OLFM3: variants seen among roughly 807,000 people sequenced by gnomAD.
The protein encoded by OLFM3 is olfactomedin 3, also known as noelin-3.
Under a neutral mutation model 48.6 loss-of-function variants are expected in OLFM3, and 20 were observed. That is an observed-to-expected ratio of 0.41 (90% confidence interval 0.29 to 0.60). OLFM3 has a LOEUF of 0.60. OLFM3 is among the 20% of genes least tolerant of loss of function. OLFM3 has a pLI of 0.28. For missense variants in OLFM3, 437 were observed against 544.3 expected (o/e 0.80, Z 1.96); for synonymous variants, 222 against 198.1 (o/e 1.12, Z -1.01).
At chr1:101,839,907 C>T (rs140406157) in intron 1 of OLFM3, among the ~76,000 whole-genome samples, 222 of 152,198 alleles carry the variant, frequency 1.5e-3, no homozygotes, top group African/African-American at 5.2e-3. Flanking sequence ...ATGATTTAAA[C>T]TATAAAAAGC....
intron 1 of OLFM3, among the ~76,000 whole-genome samples, chr1:101,914,249 C>T (rs17125729): frequency 0.11 from 16,324 of 152,152 alleles, 1,502 homozygotes; most frequent in East Asian, 0.36. Context: ...TCTGGATAAA[C>T]TGAATTGGGT....
intron 1 of OLFM3, among the ~76,000 whole-genome samples, chr1:101,907,931 T>C (rs992933493): frequency 1.3e-5 from 2 of 152,220 alleles, no homozygotes; most frequent in Non-Finnish European, 2.9e-5. Flanking sequence ...TCTACTCACG[T>C]ATTATTATCT....
intron 1 of OLFM3, among the ~76,000 whole-genome samples, chr1:101,870,356 C>A (rs2100975176): frequency 6.6e-6 from 1 of 152,266 alleles, no homozygotes; most frequent in Non-Finnish European, 1.5e-5. Flanking sequence ...GTTTTAGCTA[C>A]AGTGCATGGC....
chr1:101,986,111 G>A (rs577025775), intron 1 of OLFM3, among the ~76,000 whole-genome samples: 157 of 151,818 alleles, frequency 1.0e-3, no homozygotes, highest in African/African-American at 3.7e-3. Flanking sequence ...GACTACAGGC[G>A]CCCGCCACCA....
intron 1 of OLFM3, among the ~76,000 whole-genome samples, chr1:101,883,276 TAC>T (rs1402700079): frequency 2.0e-5 from 3 of 150,008 alleles, no homozygotes; most frequent in Non-Finnish European, 4.4e-5. Context: ...TGCTTATATT[TAC>T]AGTTATATAT....
chr1:101,960,925 T>A (rs1323287004), intron 1 of OLFM3, among the ~76,000 whole-genome samples: 1 of 152,166 alleles, frequency 6.6e-6, no homozygotes, highest in Non-Finnish European at 1.5e-5. Context: ...AAAACACATA[T>A]GATCATAATA....
chr1:101,989,885 T>A (rs1169398091), intron 1 of OLFM3, among the ~76,000 whole-genome samples: 1 of 152,108 alleles, frequency 6.6e-6, no homozygotes, highest in Non-Finnish European at 1.5e-5. Flanking sequence ...CTTGAGAAAA[T>A]CCCTTTTCTG....
intron 1 of OLFM3, among the ~76,000 whole-genome samples, chr1:101,983,755 C>A (rs1335325846): frequency 1.3e-5 from 2 of 152,108 alleles, no homozygotes; most frequent in Non-Finnish European, 2.9e-5. Context: ...AACTATACAA[C>A]ACATTTTTTT....
chr1:101,847,085 TTCCCCAGCTCTAA>T, intron 1 of OLFM3: 1 of 1,418,204 alleles, frequency 7.1e-7, no homozygotes, highest in Non-Finnish European at 9.3e-7. Flanking sequence ...AGAGATCAAC[TTCCCCAGCTCTAA>T]TCACCCAGGA....
chr1:101,995,846 T>G (rs1426893868), intron 1 of OLFM3, among the ~76,000 whole-genome samples: 1 of 152,224 alleles, frequency 6.6e-6, no homozygotes, highest in Non-Finnish European at 1.5e-5. Flanking sequence ...AAATTGTATC[T>G]CTTACTCTTT....
chr1:101,908,763 C>T (rs1010084694), intron 1 of OLFM3, among the ~76,000 whole-genome samples: 1 of 152,084 alleles, frequency 6.6e-6, no homozygotes, highest in African/African-American at 2.4e-5. Context: ...GAGGCAGCCA[C>T]ACAGAGAAGA....
At chr1:101,988,651 C>A (rs1022336521) in intron 1 of OLFM3, among the ~76,000 whole-genome samples, 31 of 152,070 alleles carry the variant, frequency 2.0e-4, no homozygotes, top group African/African-American at 7.5e-4. Flanking sequence ...TTCATATATT[C>A]ATTTTTTCAT....
At chr1:101,932,753 T>C (rs1659482589) in intron 1 of OLFM3, among the ~76,000 whole-genome samples, 1 of 152,154 alleles carries the variant, frequency 6.6e-6, no homozygotes, top group Non-Finnish European at 1.5e-5. Flanking sequence ...ATCCAGCGTG[T>C]CTTGTTATCT....
intron 1 of OLFM3, among the ~76,000 whole-genome samples, chr1:101,844,332 G>T (rs1397084057): frequency 6.6e-6 from 1 of 152,160 alleles, no homozygotes; most frequent in Non-Finnish European, 1.5e-5. Flanking sequence ...GGATGAAGGT[G>T]TTGGTGTGTA....
At chr1:101,928,667 T>G (rs560440721) in intron 1 of OLFM3, among the ~76,000 whole-genome samples, 21 of 152,316 alleles carry the variant, frequency 1.4e-4, no homozygotes, top group African/African-American at 5.1e-4. Flanking sequence ...ATATTTTCCT[T>G]AGATATGTCT....
intron 1 of OLFM3, among the ~76,000 whole-genome samples, chr1:101,934,377 CATTG>C: frequency 6.6e-6 from 1 of 152,130 alleles, no homozygotes; most frequent in Admixed American, 6.5e-5. Flanking sequence ...CAAAGAAGGG[CATTG>C]CATAATTGTA....
chr1:101,950,948 C>T (rs989940365), intron 1 of OLFM3, among the ~76,000 whole-genome samples: 18 of 152,090 alleles, frequency 1.2e-4, no homozygotes, highest in Non-Finnish European at 2.2e-4. Flanking sequence ...TGTAAACTCT[C>T]GATGTCCCAG....
At chr1:101,819,430 A>G (rs1654495156) in intron 4 of OLFM3, among the ~76,000 whole-genome samples, 1 of 152,074 alleles carries the variant, frequency 6.6e-6, no homozygotes, top group Non-Finnish European at 1.5e-5. Context: ...CACACTAAAT[A>G]TTTTTTAGTG....
intron 1 of OLFM3, among the ~76,000 whole-genome samples, chr1:101,992,609 C>T (rs113543257): frequency 4.4e-4 from 56 of 127,608 alleles, no homozygotes; most frequent in African/African-American, 1.6e-3. Flanking sequence ...GTAGTAATCT[C>T]AGTTTATTTC....
Sources: allele counts gnomAD v4.1 joint callset (sites outside exome capture counted in the v4.1 genomes callset), GRCh38; gene constraint gnomAD v4.1.1; transcripts MANE v1.5; gene names NCBI Gene and HGNC (gene_info 2026-07-23, HGNC 2026-07-21).